The following CDK6 variants were observed in gnomAD, a reference collection of about 807,000 sequenced individuals.
The protein encoded by CDK6 is cyclin dependent kinase 6.
CDK6 carries 6 observed loss-of-function variants against 37.1 expected under a neutral mutation model. The observed-to-expected ratio is 0.16, with a 90% CI of 0.09 to 0.32. The LOEUF is 0.32. CDK6 is among the 10% of genes least tolerant of loss of function. The pLI is 1.00. For synonymous variants in CDK6, 160 were observed against 161.3 expected (o/e 0.99, Z 0.06); for missense variants, 224 against 418.9 (o/e 0.53, Z 4.06).
intron 5 of CDK6, among the ~76,000 whole-genome samples, chr7:92,649,387 G>A (rs1187349715): frequency 6.6e-6 from 1 of 152,118 alleles, no homozygotes; most frequent in African/African-American, 2.4e-5. Flanking sequence ...GGGACAGAAG[G>A]GCCTAACAGG....
chr7:92,825,353 C>T (rs541164407), intron 2 of CDK6, among the ~76,000 whole-genome samples: 2 of 152,108 alleles, frequency 1.3e-5, no homozygotes, highest in East Asian at 3.9e-4. Context: ...TTCAGGGTTA[C>T]AAGACACCAG....
Position 92,730,667 on chromosome 7 carries a change from C to A in CDK6, c.370-4874G>T, listed in dbSNP as rs1798623178. Among the ~76,000 whole-genome samples, 4 of 152,318 alleles carry A rather than the reference C, an allele frequency of 2.6e-5. No individual in the cohort carries two copies. The South Asian group carries it at 8.3e-4, about 32-fold the overall frequency. ...TTTGTGAGTGGCTCGCCTCAGTTAA[C>A]ATAGTTCCTTTAAGGTTCATTCATG... On this transcript the variant is annotated intron_variant, in intron 3 of 7. Transcript: ENST00000424848.
At chr7:92,797,991 C>T (rs1800459218) in intron 2 of CDK6, among the ~76,000 whole-genome samples, 1 of 152,154 alleles carries the variant, frequency 6.6e-6, no homozygotes, top group Non-Finnish European at 1.5e-5. Context: ...CTGGGAGCCA[C>T]TATAACAGAT....
At chr7:92,791,927 G>A (rs542690783) in intron 2 of CDK6, among the ~76,000 whole-genome samples, 86 of 152,250 alleles carry the variant, frequency 5.6e-4, no homozygotes, top group African/African-American at 2.0e-3. Context: ...GAAATTATGA[G>A]AGTTTAGTAA....
chr7:92,692,161 GA>G (rs1472508142), intron 4 of CDK6, among the ~76,000 whole-genome samples: 1 of 152,136 alleles, frequency 6.6e-6, no homozygotes, highest in Non-Finnish European at 1.5e-5. Context: ...AGTTATTTGG[GA>G]GGCTGAGGCA....
intron 5 of CDK6, among the ~76,000 whole-genome samples, chr7:92,652,024 A>G (rs1796586657): frequency 6.6e-6 from 1 of 152,236 alleles, no homozygotes; most frequent in South Asian, 2.1e-4. Context: ...TATAGGGAGG[A>G]ACACTACAGC....
At position 92,834,063 on chromosome 7, in the gene CDK6, C is replaced by T. The variant is rs1339028582; in HGVS notation, c.-367-373G>A. 7.6e-6 allele frequency: 3 copies of T among 392,638 alleles called. No individual in the cohort carries two copies. The highest frequency in any genetic ancestry group is 1.3e-5 in the Non-Finnish European group (3 of 222,832). The allele number at this position is 392,638 out of a possible 1,614,324, so 24.3% of individuals were successfully genotyped here. ...CACGGCTTAATATTTATCCCTATATCATTGTGTTGCGCCGCTACCCTCCCC... is the reference window on the plus strand; with the variant it reads ...CACGGCTTAATATTTATCCCTATATTATTGTGTTGCGCCGCTACCCTCCCC... On this transcript the variant is annotated intron_variant, in intron 1 of 7. Coordinates refer to ENST00000424848, the MANE Select transcript of CDK6 (RefSeq NM_001145306.2). This position sits in a 1 kb window ranked among gnomAD's most constrained non-coding sequence, Gnocchi z 4.6.
intron 3 of CDK6, among the ~76,000 whole-genome samples, chr7:92,746,762 A>G (rs928294994): frequency 4.0e-5 from 6 of 151,282 alleles, no homozygotes; most frequent in Non-Finnish European, 3.0e-5. Flanking sequence ...AAAACTTTTT[A>G]TTTTTTTTGC....
At chr7:92,655,412 G>GT (rs1166292017) in intron 5 of CDK6, among the ~76,000 whole-genome samples, 1 of 152,210 alleles carries the variant, frequency 6.6e-6, no homozygotes, top group Non-Finnish European at 1.5e-5. Flanking sequence ...GTTCAGTGCT[G>GT]TTTTTAATCA....
intron 2 of CDK6, among the ~76,000 whole-genome samples, chr7:92,801,020 A>T (rs76863028): frequency 0.076 from 11,648 of 152,302 alleles, 610 homozygotes; most frequent in Admixed American, 0.16. Context: ...AAAAATCATT[A>T]TAAAGCTTCC....
chr7:92,637,711 A>T (rs1207027063), intron 5 of CDK6, among the ~76,000 whole-genome samples: 1 of 152,180 alleles, frequency 6.6e-6, no homozygotes, highest in Non-Finnish European at 1.5e-5. Context: ...TTTCAAAGGG[A>T]GAAACTGAGA....
intron 2 of CDK6, among the ~76,000 whole-genome samples, chr7:92,780,763 C>CAAA (rs1190033630): frequency 2.1e-5 from 1 of 47,866 alleles, no homozygotes; most frequent in African/African-American, 8.2e-5. Flanking sequence ...GACTCCATCT[C>CAAA]AAAAAAAAAA....
chr7:92,684,152 A>C (rs1335141258), intron 4 of CDK6, among the ~76,000 whole-genome samples: 1 of 152,180 alleles, frequency 6.6e-6, no homozygotes, highest in South Asian at 2.1e-4. Flanking sequence ...ATTTTTACAG[A>C]TAAGGAAGCT....
At position 92,643,193 on chromosome 7, in the gene CDK6, C is replaced by T. The variant is rs200243416; in HGVS notation, c.648-20107G>A. Among the ~76,000 whole-genome samples, 20 of 152,196 alleles carry T rather than the reference C, an allele frequency of 1.3e-4. No individual in the cohort carries two copies. In the East Asian group the frequency reaches 2.7e-3, roughly 21 times the overall value. ...TGAGCCACCACGCCCGGCCAAATCC[C>T]GGGTTTTAAAAAATACAAATGAACT... On this transcript the variant is annotated intron_variant, in intron 5 of 7. Transcript: ENST00000424848.
At chr7:92,810,084 G>A (rs1234004470) in intron 2 of CDK6, among the ~76,000 whole-genome samples, 5 of 152,234 alleles carry the variant, frequency 3.3e-5, no homozygotes, top group Non-Finnish European at 5.9e-5. Flanking sequence ...CTATATGCTG[G>A]TCTCTAGATA....
At chr7:92,753,653 C>T (rs144399141) in intron 3 of CDK6, among the ~76,000 whole-genome samples, 49 of 151,740 alleles carry the variant, frequency 3.2e-4, no homozygotes, top group African/African-American at 1.1e-3. Flanking sequence ...CCACCACGCC[C>T]AGCTAGTAAG....
At chr7:92,621,758 G>A (rs757187560) in intron 6 of CDK6, among the ~76,000 whole-genome samples, 1 of 152,158 alleles carries the variant, frequency 6.6e-6, no homozygotes, top group Non-Finnish European at 1.5e-5. Context: ...ACTGTACAGA[G>A]TGGTCAGTAG....
intron 5 of CDK6, among the ~76,000 whole-genome samples, chr7:92,637,877 A>T (rs1286774610): frequency 6.6e-6 from 1 of 152,220 alleles, no homozygotes; most frequent in Non-Finnish European, 1.5e-5. Context: ...TCAAAATTTG[A>T]TCACTTGCTG....
intron 6 of CDK6, 49 bp downstream of exon 6, chr7:92,622,987 A>T (rs769533458): frequency 7.8e-6 from 9 of 1,158,938 alleles, no homozygotes; most frequent in Non-Finnish European, 1.1e-5. Context: ...AGTCACTGTA[A>T]ATGTTTTAAT....
Sources: gnomAD v4.1 joint callset for allele counts (sites outside exome capture counted in the v4.1 genomes callset) on GRCh38, gnomAD v4.1.1 for gene constraint, Gnocchi (gnomAD v3.1) non-coding constraint, MANE v1.5 for transcripts, NCBI Gene and HGNC (gene_info 2026-07-23, HGNC 2026-07-21) for gene names.